The following ROCK2 variants were observed in gnomAD, a reference collection of about 807,000 sequenced individuals.
ROCK2 encodes the protein rho-associated protein kinase 2.
A neutral mutation model predicts 195.1 loss-of-function variants in ROCK2; 61 were observed. The ratio of observed to expected loss-of-function variants is 0.31; its 90% CI spans 0.25 to 0.39. The LOEUF is 0.39. Ranked by LOEUF, ROCK2 falls within the 10% of genes least tolerant of loss-of-function variation. The pLI is 1.00. For synonymous variants in ROCK2, 504 were observed against 545.5 expected (o/e 0.92, Z 1.06); for missense variants, 1,109 against 1,637.4 (o/e 0.68, Z 5.57).
chr2:11,216,437 G>C (rs1422229746), intron 12 of ROCK2, among the ~76,000 whole-genome samples: 1 of 151,572 alleles, frequency 6.6e-6, no homozygotes, highest in Non-Finnish European at 1.5e-5. Flanking sequence ...TAGCTCCCTT[G>C]GCCCCTCAAA....
chr2:11,343,802 G>A (rs1669188282), intron 1 of ROCK2, among the ~76,000 whole-genome samples, 194 bp downstream of exon 1: 1 of 152,222 alleles, frequency 6.6e-6, no homozygotes, highest in South Asian at 2.1e-4. Flanking sequence ...GGTAGAGGGA[G>A]GAATCAAAGG....
chr2:11,235,853 G>C lies in ROCK2; in HGVS notation c.572C>G (p.Ala191Gly). 1 of 1,613,876 alleles carries C rather than the reference G, an allele frequency of 6.2e-7. No individual in the cohort carries two copies. The highest frequency in any genetic ancestry group is 8.5e-7 in the Non-Finnish European group (1 of 1,179,932). The stretch of plus-strand genomic sequence containing the variant: ...AACAACTTCAGCAGTGTAAAATTTG[G>C]CCCATTTTTCAGGCACATCATAATT... ...MSNYDVPEKW[A>G]KFYTAEVVLA... is the part of the protein sequence containing the mutation. The change falls in exon 5 of 33, where the codon GCC becomes GGC. Residue 191 changes from alanine (A) to glycine (G), a missense_variant. Transcript: ENST00000315872. This position sits in a 1 kb window ranked among gnomAD's most constrained non-coding sequence, Gnocchi z 4.2.
chr2:11,218,196 C>T, intron 11 of ROCK2: 1 of 317,776 alleles, frequency 3.1e-6, no homozygotes, highest in Non-Finnish European at 5.7e-6. Flanking sequence ...TTTGAGCACA[C>T]CAGTTATTAT....
At chr2:11,217,537 C>T (rs138384596) in intron 11 of ROCK2, among the ~76,000 whole-genome samples, 6 of 152,222 alleles carry the variant, frequency 3.9e-5, no homozygotes, top group African/African-American at 9.6e-5. Flanking sequence ...ATTATTTGTG[C>T]TAGTCGGATA....
intron 4 of ROCK2, among the ~76,000 whole-genome samples, chr2:11,247,083 C>T (rs1175628374): frequency 6.6e-6 from 1 of 151,996 alleles, no homozygotes; most frequent in Non-Finnish European, 1.5e-5. Flanking sequence ...AAACATTAGG[C>T]TAGGTGAAAG....
intron 1 of ROCK2, among the ~76,000 whole-genome samples, chr2:11,291,728 A>C (rs1344817886): frequency 6.6e-6 from 1 of 152,202 alleles, no homozygotes; most frequent in African/African-American, 2.4e-5. Context: ...TTTAGCTGAA[A>C]ATTTTATACA....
intron 4 of ROCK2, among the ~76,000 whole-genome samples, chr2:11,247,650 C>T (rs185090339): frequency 7.9e-5 from 12 of 152,238 alleles, no homozygotes; most frequent in Admixed American, 2.0e-4. Context: ...AATGGCAATC[C>T]GCTACTATGA....
chr2:11,183,463 G>T, intron 32 of ROCK2, 23 bp from the exon 33 acceptor site: 1 of 1,551,322 alleles, frequency 6.4e-7, no homozygotes, highest in Non-Finnish European at 8.8e-7. Flanking sequence ...GAAAAATAAA[G>T]TTAGTTGATA....
rs180845613 is a variant in ROCK2, at chr2:11,269,374, T to C, written c.324+17165A>G. On this transcript the variant is annotated intron_variant, in intron 3 of 32. Coordinates refer to ENST00000315872, the MANE Select transcript of ROCK2 (RefSeq NM_004850.5). ...TAAAAACACAAAAACTAGCCAGGTG[T>C]GGTGACAGGCGCCTGTAATACTAGC... Among the ~76,000 whole-genome samples the C allele has an allele frequency of 1.9e-4, 29 of 152,034 alleles. 2 individuals are homozygous for C. Among genetic ancestry groups the C allele is most frequent in the Admixed American group, 1.8e-3 (28 of 15,274 alleles).
chr2:11,296,685 T>C (rs1667547533), intron 1 of ROCK2, among the ~76,000 whole-genome samples: 1 of 152,156 alleles, frequency 6.6e-6, no homozygotes, highest in Non-Finnish European at 1.5e-5. Context: ...ATTAGCACAT[T>C]TTTTATACTA....
intron 3 of ROCK2, among the ~76,000 whole-genome samples, chr2:11,283,199 C>T (rs936791540): frequency 5.1e-4 from 76 of 148,096 alleles, no homozygotes; most frequent in Non-Finnish European, 8.9e-4. Context: ...ACTCAGGAGG[C>T]GGAGGTTGCA....
At chr2:11,204,054 AG>A (rs1224280560) in intron 20 of ROCK2, among the ~76,000 whole-genome samples, 3 of 152,248 alleles carry the variant, frequency 2.0e-5, no homozygotes, top group African/African-American at 7.2e-5. Context: ...ACAGAACAGA[AG>A]GAAGAAATTA....
intron 1 of ROCK2, among the ~76,000 whole-genome samples, chr2:11,296,013 A>AG (rs1558369978): frequency 9.0e-5 from 7 of 77,868 alleles, no homozygotes; most frequent in African/African-American, 2.7e-4. Flanking sequence ...GAGGAGAGAG[A>AG]GAGAGAGAGA....
At position 11,192,420 on chromosome 2, in the gene ROCK2, A is replaced by G. The variant is rs1426898021; in HGVS notation, c.3949+31T>C. ...GCTTAAAATGATCTGAACATAACCA[A>G]TATCGATGGAGCAAGTAATTTATCA... On this transcript the variant is annotated intron_variant, in intron 31 of 32. Transcript: ENST00000315872. The surrounding 1 kb of genome is among the most constrained non-coding windows in gnomAD (Gnocchi z 5.0). The G allele has an allele frequency of 4.3e-6, 7 of 1,611,500 alleles. No individual in the cohort carries two copies. Among genetic ancestry groups the G allele is most frequent in the South Asian group, 3.3e-5 (3 of 90,872 alleles).
chr2:11,316,513 C>T (rs976554759), intron 1 of ROCK2, among the ~76,000 whole-genome samples: 3 of 152,090 alleles, frequency 2.0e-5, no homozygotes, highest in Non-Finnish European at 4.4e-5. Flanking sequence ...ACTCAACAAA[C>T]TAAAAGGTTA....
intron 3 of ROCK2, among the ~76,000 whole-genome samples, chr2:11,270,197 T>A (rs2148163482): frequency 6.6e-6 from 1 of 152,346 alleles, no homozygotes; most frequent in South Asian, 2.1e-4. Flanking sequence ...TTGCATGGTT[T>A]CTGAGGAGAA....
intron 1 of ROCK2, among the ~76,000 whole-genome samples, chr2:11,334,853 T>A (rs371040542): frequency 4.6e-5 from 7 of 150,862 alleles, no homozygotes; most frequent in African/African-American, 1.4e-4. Flanking sequence ...ATAAAATGTC[T>A]ATCACTTGCT....
intron 15 of ROCK2, 21 bp from the exon 16 acceptor site, chr2:11,215,107 AAAC>A (rs773638586): frequency 1.2e-6 from 2 of 1,612,316 alleles, no homozygotes; most frequent in Non-Finnish European, 1.7e-6. Flanking sequence ...ATTCAAAACC[AAAC>A]AACAACAAAC....
intron 9 of ROCK2, among the ~76,000 whole-genome samples, chr2:11,219,376 T>C (rs951829338): frequency 1.4e-5 from 2 of 139,088 alleles, no homozygotes; most frequent in South Asian, 2.3e-4. Flanking sequence ...CCGGGCATGG[T>C]GGTGGACACC....
Sources: allele counts gnomAD v4.1 joint callset (sites outside exome capture counted in the v4.1 genomes callset), GRCh38; gene constraint gnomAD v4.1.1; non-coding constraint Gnocchi (gnomAD v3.1); transcripts MANE v1.5; gene names NCBI Gene and HGNC (gene_info 2026-07-23, HGNC 2026-07-21).